Variants in POLR3F observed in about 807,000 individuals in gnomAD.
POLR3F encodes the protein RNA polymerase III subunit F.
In POLR3F, 31 loss-of-function variants were observed where a neutral mutation model predicts 43.6. The observed-to-expected ratio is 0.71, with a 90% CI of 0.53 to 0.96. The LOEUF is 0.96. POLR3F is among the 40% of genes least tolerant of loss of function. The pLI is 0.00. For missense variants in POLR3F, 316 were observed against 391.7 expected, an observed-to-expected ratio of 0.81 and a Z score of 1.63; for synonymous variants, 114 against 132.5, an observed-to-expected ratio of 0.86 and a Z score of 0.96.
chr20:18,484,229 AAAG>A lies in POLR3F; in HGVS notation c.*674_*676del, dbSNP rs1258339356. The stretch of plus-strand genomic sequence containing the variant: ...ACATAAATACTATCATTTTCATTCT[AAAG>A]AATATTTTCACTGTTCCTTCTTTCT... On this transcript the variant is annotated 3_prime_UTR_variant, in exon 9 of 9. Coordinates refer to ENST00000377603, the MANE Select transcript of POLR3F (RefSeq NM_006466.4). 5.0e-6 allele frequency: 2 copies of A among 398,402 alleles called. No individual in the cohort carries two copies. Among genetic ancestry groups the A allele is most frequent in the Non-Finnish European group, 8.9e-6 (2 of 225,950 alleles). The allele number at this position is 398,402 out of a possible 1,614,324, so 24.7% of individuals were successfully genotyped here. A position where few individuals can be genotyped will look rare whatever the true frequency, so the allele number is the denominator to read the frequency against.
intron 1 of POLR3F, 27 bp downstream of exon 1, chr20:18,467,595 A>G: frequency 1.9e-6 from 3 of 1,613,988 alleles, no homozygotes; most frequent in Non-Finnish European, 1.7e-6. Flanking sequence ...CCGGCTTGGC[A>G]CTCCATCAGG....
intron 2 of POLR3F, among the ~76,000 whole-genome samples, chr20:18,470,311 C>G (rs987530816): frequency 6.6e-6 from 1 of 152,162 alleles, no homozygotes; most frequent in African/African-American, 2.4e-5. Context: ...TTTCTTAAAC[C>G]TTTCCCATCA....
intron 5 of POLR3F, among the ~76,000 whole-genome samples, chr20:18,478,168 G>A (rs947833550): frequency 2.0e-5 from 3 of 151,746 alleles, no homozygotes; most frequent in Non-Finnish European, 2.9e-5. Flanking sequence ...TTCCAAAGAT[G>A]TAGAAGTTAT....
intron 4 of POLR3F, among the ~76,000 whole-genome samples, chr20:18,473,712 A>G (rs545662834): frequency 6.6e-6 from 1 of 152,348 alleles, no homozygotes; most frequent in East Asian, 1.9e-4. Context: ...ACATGAATGT[A>G]TTATCTATTC....
rs746481001 is a variant in POLR3F, at chr20:18,475,210, A to AC, written c.429+26dup. The AC allele has an allele frequency of 3.5e-6, 3 of 849,814 alleles. No individual in the cohort carries two copies. The East Asian group carries it at 7.3e-5, about 21-fold the overall frequency. The allele number at this position is 849,814 out of a possible 1,614,324, so 52.6% of individuals were successfully genotyped here. ...GCAGTGAGTAGTCCTTTCCTCAGATACCCACTTACATATGTTGCTTCAAGT... is the reference window on the plus strand; with the variant it reads ...GCAGTGAGTAGTCCTTTCCTCAGATACCCCACTTACATATGTTGCTTCAAGT... On this transcript the variant is annotated intron_variant, in intron 5 of 8. Transcript: ENST00000377603.
chr20:18,468,439 T>C (rs2148857850), intron 1 of POLR3F, among the ~76,000 whole-genome samples: 2 of 152,332 alleles, frequency 1.3e-5, no homozygotes, highest in Middle Eastern at 3.4e-3. Flanking sequence ...AAGACTCAAC[T>C]TTCTCAGACT....
In POLR3F at chr20:18,480,399, T is replaced by TA. The variant is rs1407104968; in HGVS notation, c.574-2dup. Reference sequence around the variant, plus strand: ...TACATTTCTTATGTTTCAATCCTTATAGGCAGAAACAGCACGAGAAAGCAA... The same window carrying TA: ...TACATTTCTTATGTTTCAATCCTTATAAGGCAGAAACAGCACGAGAAAGCAA... On this transcript the variant is annotated splice_polypyrimidine_tract_variant and splice_region_variant and intron_variant, in intron 6 of 8. Transcript: ENST00000377603. The TA allele has an allele frequency of 6.3e-6, 10 of 1,582,088 alleles. No individual in the cohort carries two copies. The East Asian group carries it at 2.2e-4, about 35-fold the overall frequency.
chr20:18,469,184 A>T lies in POLR3F; in HGVS notation c.180+123A>T, dbSNP rs1445825970. On this transcript the variant is annotated intron_variant, in intron 2 of 8. Transcript: ENST00000377603. ...TAAGATACAGGATTCCTACATATCT[A>T]GTTAAATATTTTATTGGAGTGTCTG... The T allele has an allele frequency of 1.9e-5, 13 of 678,138 alleles. No individual in the cohort carries two copies. The Middle Eastern group carries it at 9.6e-4, about 50-fold the overall frequency. 42.0% of individuals were successfully genotyped at this position (678,138 alleles called of 1,614,324 possible).
chr20:18,469,008 C>T lies in POLR3F; in HGVS notation c.127C>T (p.Pro43Ser). ...AGACCAAGTAATTCAGAATGAAATG[C>T]CTCATATAGAAGCCCAGCAGCGGGC... ...ITDQVIQNEM[P>S]HIEAQQRAVA... is the part of the protein sequence containing the mutation. The change falls in exon 2 of 9, where the codon CCT becomes TCT. Residue 43 changes from proline (P) to serine (S), a missense_variant. Physicochemically the swap from Pro to Ser is moderately conservative, Grantham distance 74. Transcript: ENST00000377603. 1.3e-6 allele frequency: 2 copies of T among 1,599,080 alleles called. No individual in the cohort carries two copies.
intron 8 of POLR3F, among the ~76,000 whole-genome samples, chr20:18,483,213 T>C (rs1314206649): frequency 6.6e-6 from 1 of 152,116 alleles, no homozygotes; most frequent in Non-Finnish European, 1.5e-5. Context: ...TACAGGTGCC[T>C]GCCACCACGC....
chr20:18,480,349 C>A, intron 6 of POLR3F, 53 bp from the exon 7 acceptor site: 1 of 1,349,078 alleles, frequency 7.4e-7, no homozygotes. Context: ...AAAGTGTATT[C>A]AGAAAACACA....
chr20:18,472,388 T>C lies in POLR3F; in HGVS notation c.181-454T>C, dbSNP rs548019203. ...TAGTAGAGACAGGTTTTCGCCATGT[T>C]AGCCAGGCTGGTCTCAAACTCTTGA... is the stretch of plus-strand genomic sequence containing the variant. On this transcript the variant is annotated intron_variant, in intron 2 of 8. Transcript: ENST00000377603. Among the ~76,000 whole-genome samples the C allele has an allele frequency of 6.6e-5, 10 of 152,274 alleles. No individual in the cohort carries two copies. In the East Asian group the frequency reaches 1.9e-3, roughly 29 times the overall value.
chr20:18,478,638 A>G (rs1176278308), intron 5 of POLR3F, among the ~76,000 whole-genome samples: 1 of 152,210 alleles, frequency 6.6e-6, no homozygotes, highest in Non-Finnish European at 1.5e-5. Context: ...AAACATCAGT[A>G]TGGACTCTTG....
intron 2 of POLR3F, among the ~76,000 whole-genome samples, chr20:18,470,263 AG>A (rs2059741838): frequency 6.6e-6 from 1 of 152,216 alleles, no homozygotes; most frequent in African/African-American, 2.4e-5. Context: ...TGGATTTCCA[AG>A]GGCTCTGGAT....
Position 18,472,880 on chromosome 20 carries a change from A to G in POLR3F, c.219A>G (p.Leu73=), listed in dbSNP as rs556866232. The change falls in exon 3 of 9, where the codon TTA becomes TTG. Residue 73 remains leucine (L), a synonymous_variant. Transcript: ENST00000377603. ...TCTTAAGGAGCAATACGGGCCTTTT[A>G]TATAGAATAAAGGACTCTCAGAATG... The part of the protein sequence containing the change: ...LDLLRSNTGL[L]YRIKDSQNAG... The G allele has an allele frequency of 1.3e-5, 20 of 1,517,532 alleles. No individual in the cohort carries two copies. The South Asian group carries it at 2.4e-4, about 18-fold the overall frequency. 94.0% of individuals were successfully genotyped at this position (1,517,532 alleles called of 1,614,324 possible).
intron 2 of POLR3F, among the ~76,000 whole-genome samples, chr20:18,471,757 C>T (rs1167934382): frequency 3.3e-5 from 5 of 152,154 alleles, no homozygotes; most frequent in Non-Finnish European, 5.9e-5. Context: ...CCGAGGTAGG[C>T]GGATCACTAG....
Position 18,475,077 on chromosome 20 carries a change from A to C in POLR3F, c.319A>C (p.Ile107Leu), listed in dbSNP as rs1366265934. 2 of 1,276,410 alleles carry C rather than the reference A, an allele frequency of 1.6e-6. No individual in the cohort carries two copies. Among genetic ancestry groups the C allele is most frequent in the African/African-American group, 2.9e-5 (2 of 67,886 alleles). 79.1% of individuals were successfully genotyped at this position (1,276,410 alleles called of 1,614,324 possible). A position where few individuals can be genotyped will look rare whatever the true frequency, so the allele number is the denominator to read the frequency against. The change falls in exon 5 of 9, where the codon ATA (isoleucine) becomes CTA (leucine). Residue 107 changes from isoleucine to leucine, a missense_variant and splice_region_variant. Coordinates refer to ENST00000377603, the MANE Select transcript of POLR3F (RefSeq NM_006466.4). ...QIIEDAGNKGIWSRDIRYKSN... is the reference protein window; with the variant it reads ...QIIEDAGNKGLWSRDIRYKSN... Reference sequence around the variant, plus strand: ...TATTTTACTTTACTTTCTTATAGGAATATGGAGCAGAGATATCCGCTATAA... The same window carrying C: ...TATTTTACTTTACTTTCTTATAGGACTATGGAGCAGAGATATCCGCTATAA...
At chr20:18,478,715 C>G (rs1034767024) in intron 5 of POLR3F, among the ~76,000 whole-genome samples, 3 of 152,062 alleles carry the variant, frequency 2.0e-5, no homozygotes, top group African/African-American at 7.3e-5. Flanking sequence ...TGTATATATA[C>G]AAGGGTTAAT....
chr20:18,471,674 G>C (rs540843821), intron 2 of POLR3F, among the ~76,000 whole-genome samples: 1 of 152,304 alleles, frequency 6.6e-6, no homozygotes, highest in East Asian at 1.9e-4. Flanking sequence ...TCCAAGTCAT[G>C]AGTGTCTGTT....
Sources: allele counts gnomAD v4.1 joint callset (sites outside exome capture counted in the v4.1 genomes callset), GRCh38; gene constraint gnomAD v4.1.1; transcripts MANE v1.5; gene names NCBI Gene and HGNC (gene_info 2026-07-23, HGNC 2026-07-21).